KLHL3: variants seen among roughly 807,000 people sequenced by gnomAD.
KLHL3 encodes the protein kelch-like protein 3.
KLHL3 carries 19 observed loss-of-function variants against 70.5 expected under a neutral mutation model. The ratio of observed to expected loss-of-function variants is 0.27; its 90% CI spans 0.19 to 0.40. The LOEUF is 0.40. Among genes scored for constraint, KLHL3 ranks in the 10% least tolerant of loss-of-function variants. The pLI is 1.00. For synonymous variants in KLHL3, 258 were observed against 290.3 expected, an observed-to-expected ratio of 0.89 and a Z score of 1.13; for missense variants, 512 against 771.1, an observed-to-expected ratio of 0.66 and a Z score of 3.98.
rs1298507336 is a variant in KLHL3, at chr5:137,621,404, A to G, written c.*694T>C. ...TCATCTGCTTCCTGTAGGAGAACTC[A>G]AGGAAAAACAGTGAGCTGAGAAGCA... On this transcript the variant is annotated 3_prime_UTR_variant, in exon 15 of 15. Coordinates refer to ENST00000309755, the MANE Select transcript of KLHL3 (RefSeq NM_017415.3). 1 of 152,484 alleles carries G rather than the reference A, an allele frequency of 6.6e-6. No individual in the cohort carries two copies. 9.4% of individuals were successfully genotyped at this position (152,484 alleles called of 1,614,324 possible). A position where few individuals can be genotyped will look rare whatever the true frequency, so the allele number is the denominator to read the frequency against.
At chr5:137,735,567 G>T in intron 1 of KLHL3, 66 bp downstream of exon 1, 1 of 1,257,278 alleles carries the variant, frequency 8.0e-7, no homozygotes, top group Non-Finnish European at 1.2e-6. Context: ...AAAGCTGGTG[G>T]CTGCACCGCA....
chr5:137,728,875 G>C (rs141087672), intron 1 of KLHL3, among the ~76,000 whole-genome samples: 2,597 of 151,762 alleles, frequency 0.017, 118 homozygotes, highest in Admixed American at 0.1. Context: ...ATAACTATTG[G>C]CTACCTGGGT....
intron 8 of KLHL3, among the ~76,000 whole-genome samples, chr5:137,657,668 C>G (rs554492504): frequency 6.6e-6 from 1 of 152,174 alleles, no homozygotes; most frequent in African/African-American, 2.4e-5. Context: ...CTTAGAACCC[C>G]TTTTCTTCTC....
rs765111293 is a variant in KLHL3, at chr5:137,720,543, T to A, written c.56A>T (p.Asp19Val). The change falls in exon 2 of 15, where the codon GAT becomes GTT. Residue 19 changes from aspartate to valine, a missense_variant. Coordinates refer to ENST00000309755, the MANE Select transcript of KLHL3 (RefSeq NM_017415.3). ...SSQTLIQAGD[D>V]EKNQRTITVN... Reference sequence around the variant, plus strand: ...AGTGATCGTCCTCTGGTTCTTCTCATCATCCCCAGCCTGTATCAGAGTCTG... The same window carrying A: ...AGTGATCGTCCTCTGGTTCTTCTCAACATCCCCAGCCTGTATCAGAGTCTG... The A allele has an allele frequency of 2.9e-5, 46 of 1,614,012 alleles. No homozygotes were observed. The highest frequency in any genetic ancestry group is 3.6e-5 in the Non-Finnish European group (43 of 1,180,014).
At chr5:137,645,079 T>C (rs899071832) in intron 8 of KLHL3, among the ~76,000 whole-genome samples, 3 of 152,154 alleles carry the variant, frequency 2.0e-5, no homozygotes, top group Non-Finnish European at 2.9e-5. Flanking sequence ...ATCATTTCAA[T>C]AGATGCAGAA....
intron 7 of KLHL3, 64 bp downstream of exon 7, chr5:137,661,851 C>A: frequency 1.1e-6 from 1 of 900,160 alleles, no homozygotes; most frequent in Non-Finnish European, 1.9e-6. Flanking sequence ...ACCAGGATTG[C>A]CCATTGCTAT....
Position 137,646,099 on chromosome 5 carries a change from T to C in KLHL3, c.904-6122A>G, listed in dbSNP as rs1751038017. On this transcript the variant is annotated intron_variant, in intron 8 of 14. Coordinates refer to ENST00000309755, the MANE Select transcript of KLHL3 (RefSeq NM_017415.3). ...AACAACTAAATAACAGAAAAACAGA[T>C]AATCTGATTCAAAAATGGGCAAAAA... Among the ~76,000 whole-genome samples the C allele has an allele frequency of 2.0e-5, 3 of 152,094 alleles. No individual in the cohort carries two copies. In the South Asian group the frequency reaches 6.2e-4, roughly 32 times the overall value.
intron 11 of KLHL3, among the ~76,000 whole-genome samples, chr5:137,634,933 C>T (rs1041000672): frequency 1.3e-5 from 2 of 152,170 alleles, no homozygotes; most frequent in African/African-American, 4.8e-5. Flanking sequence ...GAAATTCAAA[C>T]ATTTTGGGTT....
At chr5:137,623,751 C>T (rs1481586157) in intron 14 of KLHL3, among the ~76,000 whole-genome samples, 1 of 152,174 alleles carries the variant, frequency 6.6e-6, no homozygotes, top group African/African-American at 2.4e-5. Flanking sequence ...ACAAGTATTA[C>T]TGCATTTCAT....
intron 5 of KLHL3, among the ~76,000 whole-genome samples, chr5:137,686,697 C>A (rs1752173444): frequency 6.6e-6 from 1 of 152,146 alleles, no homozygotes; most frequent in Admixed American, 6.5e-5. Flanking sequence ...ACCCCAGGCT[C>A]CATCTAAAGT....
intron 6 of KLHL3, among the ~76,000 whole-genome samples, chr5:137,671,221 A>T (rs1010873275): frequency 6.6e-6 from 1 of 152,116 alleles, no homozygotes; most frequent in Non-Finnish European, 1.5e-5. Context: ...AGTCTTTAGT[A>T]GGAATAGTCC....
intron 5 of KLHL3, among the ~76,000 whole-genome samples, chr5:137,689,301 C>G (rs1752260304): frequency 6.6e-6 from 1 of 152,206 alleles, no homozygotes; most frequent in African/African-American, 2.4e-5. Flanking sequence ...AAAATAGAAC[C>G]ACCATTTGAC....
Position 137,661,957 on chromosome 5 carries a change from T to C in KLHL3, c.711A>G (p.Glu237=), listed in dbSNP as rs919299393. ...TRLEHMAKLM[E]HVRLPLLPRD... ...TAGGTAAGAGAGGAAGTCGGACATGTTCCATCAGCTTTGCCATGTGCTCTA... is the reference window on the plus strand; with the variant it reads ...TAGGTAAGAGAGGAAGTCGGACATGCTCCATCAGCTTTGCCATGTGCTCTA... Residue 237 remains glutamate (E), a synonymous_variant, in exon 7 of 15, where the codon GAA becomes GAG. Transcript: ENST00000309755. 1 of 1,612,958 alleles carries C rather than the reference T, an allele frequency of 6.2e-7. No individual in the cohort carries two copies. The highest frequency in any genetic ancestry group is 8.5e-7 in the Non-Finnish European group (1 of 1,179,128).
Position 137,640,590 on chromosome 5 carries a change from A to G in KLHL3, c.904-613T>C, listed in dbSNP as rs111455745. Among the ~76,000 whole-genome samples the G allele has an allele frequency of 8.3e-3, 1,260 of 152,300 alleles. 21 individuals carry two copies. Among genetic ancestry groups the G allele is most frequent in the African/African-American group, 0.028 (1,184 of 41,562 alleles). ...GTGTTGTCATTTACTTGTCACCACA[A>G]CTGTGAGGTAGATATCATCATCCAC... On this transcript the variant is annotated intron_variant, in intron 8 of 14. Transcript: ENST00000309755.
rs1208563344 is a variant in KLHL3, at chr5:137,683,802, G to GCA, written c.527-6149_527-6148insTG. Among the ~76,000 whole-genome samples the GCA allele has an allele frequency of 2.8e-3, 420 of 150,386 alleles. 3 individuals are homozygous for GCA. The highest frequency in any genetic ancestry group is 9.9e-3 in the African/African-American group (405 of 40,800). ...CTCTCTCTCACACACACACATGCAC[G>GCA]CGCACACACACACACACACATACAC... On this transcript the variant is annotated intron_variant, in intron 5 of 14. Coordinates refer to ENST00000309755, the MANE Select transcript of KLHL3 (RefSeq NM_017415.3).
At chr5:137,685,395 G>C (rs1165246740) in intron 5 of KLHL3, among the ~76,000 whole-genome samples, 1 of 152,198 alleles carries the variant, frequency 6.6e-6, no homozygotes, top group Non-Finnish European at 1.5e-5. Context: ...GGAAATAATT[G>C]CAAGATTTGT....
In KLHL3 at chr5:137,720,468, C is replaced by T; in HGVS notation, c.131G>A (p.Arg44Gln). 6 of 1,614,088 alleles carry T rather than the reference C, an allele frequency of 3.7e-6. No individual in the cohort carries two copies. The African/African-American group carries it at 4.0e-5, about 11-fold the overall frequency. ...GKAFKVMNELRSKQLLCDVMI... is the reference protein window; with the variant it reads ...GKAFKVMNELQSKQLLCDVMI... Reference sequence around the variant, plus strand: ...ACGGACAAGATAGAAAAAGTACCTCCGCAGTTCATTCATAACCTTGAATGC... The same window carrying T: ...ACGGACAAGATAGAAAAAGTACCTCTGCAGTTCATTCATAACCTTGAATGC... The change falls in exon 2 of 15, where the codon CGG becomes CAG. Residue 44 changes from arginine to glutamine, a missense_variant. Physicochemically the swap from Arg to Gln is conservative, Grantham distance 43. Coordinates refer to ENST00000309755, the MANE Select transcript of KLHL3 (RefSeq NM_017415.3).
At position 137,694,281 on chromosome 5, in the gene KLHL3, C is replaced by G. The variant is rs997043807; in HGVS notation, c.364-1834G>C. 2.0e-5 allele frequency among the ~76,000 whole-genome samples: 3 copies of G among 152,204 alleles called. No homozygotes were observed. The East Asian group carries it at 5.8e-4, about 29-fold the overall frequency. ...CATCCTCTCTTCCACTATCCTATAT[C>G]CCCAGCAGGAAAACAGTAAATTAAC... On this transcript the variant is annotated intron_variant, in intron 4 of 14. Transcript: ENST00000309755.
chr5:137,626,017 C>G (rs1750452486), intron 13 of KLHL3, 121 bp from the exon 14 acceptor site: 1 of 1,216,698 alleles, frequency 8.2e-7, no homozygotes, highest in African/African-American at 1.5e-5. Context: ...GGCAATACAA[C>G]AGAGATTTGG....
Sources: gnomAD v4.1 joint callset for allele counts (sites outside exome capture counted in the v4.1 genomes callset) on GRCh38, gnomAD v4.1.1 for gene constraint, MANE v1.5 for transcripts, NCBI Gene and HGNC (gene_info 2026-07-23, HGNC 2026-07-21) for gene names.